Variants in TM2D1 observed in about 807,000 individuals in gnomAD.
TM2D1 encodes TM2 domain-containing protein 1.
In TM2D1, 15 loss-of-function variants were observed where a neutral mutation model predicts 28.4. The ratio of observed to expected loss-of-function variants is 0.53; its 90% CI spans 0.35 to 0.81. The LOEUF (loss-of-function observed/expected upper bound fraction) is 0.81, where lower values mean the gene tolerates loss of function less well. Among genes scored for constraint, TM2D1 ranks in the 40% least tolerant of loss-of-function variants. The pLI is 0.01. For missense variants in TM2D1, 236 were observed against 254.9 expected (o/e 0.93, Z 0.50); for synonymous variants, 93 against 96.2 (o/e 0.97, Z 0.20).
chr1:61,687,967 T>A (rs1201388852), intron 5 of TM2D1, among the ~76,000 whole-genome samples: 1 of 152,234 alleles, frequency 6.6e-6, no homozygotes, highest in African/African-American at 2.4e-5. Flanking sequence ...TTCACTTCTG[T>A]GTGTGACTAA....
chr1:61,682,846 T>C (rs909012081), intron 6 of TM2D1, among the ~76,000 whole-genome samples: 1 of 150,008 alleles, frequency 6.7e-6, no homozygotes. Flanking sequence ...TGAGCCAAGA[T>C]TGAGCCACTG....
chr1:61,723,963 G>A (rs1377231155), intron 1 of TM2D1, among the ~76,000 whole-genome samples, 177 bp from the exon 2 acceptor site: 1 of 152,130 alleles, frequency 6.6e-6, no homozygotes. Context: ...TAATACTTGA[G>A]GCAGGAGGAT....
intron 5 of TM2D1, chr1:61,686,824 G>C (rs1042627912): frequency 6.0e-5 from 58 of 974,700 alleles, no homozygotes; most frequent in Non-Finnish European, 6.9e-5. Flanking sequence ...ATGGGAGGCT[G>C]AGGCAGGAAG....
At chr1:61,713,488 C>CAAAAAAAAAA (rs369601221) in intron 2 of TM2D1, among the ~76,000 whole-genome samples, 17 of 91,364 alleles carry the variant, frequency 1.9e-4, no homozygotes, top group African/African-American at 3.4e-4. Flanking sequence ...AACTCAAAAA[C>CAAAAAAAAAA]AAAAAAAAAA....
intron 5 of TM2D1, among the ~76,000 whole-genome samples, chr1:61,688,938 G>A (rs1644304717): frequency 6.6e-6 from 1 of 151,594 alleles, no homozygotes; most frequent in South Asian, 2.1e-4. Flanking sequence ...TCAGGAGGCT[G>A]AGGCAGGAGA....
intron 1 of TM2D1, 118 bp downstream of exon 1, chr1:61,724,839 C>T (rs1348260122): frequency 8.6e-7 from 1 of 1,156,772 alleles, no homozygotes; most frequent in Admixed American, 3.0e-5. Context: ...CATTAGAAGC[C>T]ACAGATCAGA....
chr1:61,687,860 T>G (rs1395349355), intron 5 of TM2D1, among the ~76,000 whole-genome samples: 1 of 152,230 alleles, frequency 6.6e-6, no homozygotes, highest in African/African-American at 2.4e-5. Context: ...AGGATTCAGC[T>G]GTCTGCAAGT....
chr1:61,703,918 G>A (rs1010186815), intron 3 of TM2D1, among the ~76,000 whole-genome samples: 8 of 150,826 alleles, frequency 5.3e-5, no homozygotes, highest in Admixed American at 1.3e-4. Context: ...CACCACACCC[G>A]GCTAATTTTT....
At chr1:61,705,769 C>T (rs1315393490) in intron 3 of TM2D1, among the ~76,000 whole-genome samples, 1 of 152,140 alleles carries the variant, frequency 6.6e-6, no homozygotes, top group Non-Finnish European at 1.5e-5. Context: ...ACCACCACCA[C>T]CCAGACCTCC....
intron 2 of TM2D1, among the ~76,000 whole-genome samples, chr1:61,717,752 T>C (rs1456258578): frequency 6.6e-6 from 1 of 151,846 alleles, no homozygotes; most frequent in African/African-American, 2.4e-5. Context: ...TAGAAACCAG[T>C]GATGTTTTTC....
chr1:61,725,076 C>T lies in TM2D1; in HGVS notation c.45G>A (p.Val15=), dbSNP rs754741367. ...WPSGPSAPEA[V]TARLVGVLWF... is the part of the protein sequence containing the mutation. ...ACAGGACACCAACGAGTCTGGCCGTCACGGCCTCCGGAGCAGACGGACCAG... is the reference window on the plus strand; with the variant it reads ...ACAGGACACCAACGAGTCTGGCCGTTACGGCCTCCGGAGCAGACGGACCAG... Residue 15 remains valine (V), a synonymous_variant, in exon 1 of 7, where the codon GTG becomes GTA. Coordinates refer to ENST00000606498, the MANE Select transcript of TM2D1 (RefSeq NM_032027.3). The T allele has an allele frequency of 1.9e-6, 3 of 1,613,900 alleles. No homozygotes were observed. The highest frequency in any genetic ancestry group is 2.5e-6 in the Non-Finnish European group (3 of 1,179,910).
At chr1:61,700,040 A>C (rs2148047411) in intron 4 of TM2D1, 1 of 1,231,532 alleles carries the variant, frequency 8.1e-7, no homozygotes, top group Non-Finnish European at 1.0e-6. Context: ...AAATTTGCTC[A>C]GTGAAGGGCT....
In TM2D1 at chr1:61,725,064, G is replaced by A. The variant is rs1457923214; in HGVS notation, c.57C>T (p.Leu19=). ...PSAPEAVTAR[L]VGVLWFVSVT... ...CTGAGACGAACCACAGGACACCAAC[G>A]AGTCTGGCCGTCACGGCCTCCGGAG... Residue 19 remains leucine (L), a synonymous_variant, in exon 1 of 7, where the codon CTC becomes CTT. Coordinates refer to ENST00000606498, the MANE Select transcript of TM2D1 (RefSeq NM_032027.3). The A allele has an allele frequency of 5.0e-6, 8 of 1,613,794 alleles. No homozygotes were observed. The highest frequency in any genetic ancestry group is 5.9e-6 in the Non-Finnish European group (7 of 1,179,910).
chr1:61,719,419 G>GAA (rs943721193), intron 2 of TM2D1, among the ~76,000 whole-genome samples: 1 of 152,112 alleles, frequency 6.6e-6, no homozygotes, highest in Admixed American at 6.6e-5. Context: ...CAGAGAGAGA[G>GAA]AGAGAGAGAG....
At chr1:61,686,530 G>A (rs1464423086) in intron 5 of TM2D1, among the ~76,000 whole-genome samples, 1 of 152,036 alleles carries the variant, frequency 6.6e-6, no homozygotes, top group Non-Finnish European at 1.5e-5. Flanking sequence ...AGGCACGGTG[G>A]TGCACACCTG....
intron 5 of TM2D1, among the ~76,000 whole-genome samples, chr1:61,690,456 C>CAAAAAAAAAAAAAAAAAAAAAAAAAACA (rs762550068): frequency 1.7e-5 from 1 of 60,048 alleles, no homozygotes; most frequent in Non-Finnish European, 2.9e-5. Context: ...GACTCAGTCT[C>CAAAAAAAAAAAAAAAAAAAAAAAAAACA]AAAAAAAAAA....
At chr1:61,692,827 C>T (rs1644338792) in intron 5 of TM2D1, among the ~76,000 whole-genome samples, 1 of 152,200 alleles carries the variant, frequency 6.6e-6, no homozygotes, top group South Asian at 2.1e-4. Flanking sequence ...GCAGTCTAAA[C>T]TGATCATATC....
At chr1:61,702,969 G>T (rs1644413170) in intron 3 of TM2D1, among the ~76,000 whole-genome samples, 1 of 151,314 alleles carries the variant, frequency 6.6e-6, no homozygotes, top group Non-Finnish European at 1.5e-5. Context: ...AGCCGGGCGT[G>T]GTGGTATATG....
intron 2 of TM2D1, among the ~76,000 whole-genome samples, chr1:61,721,541 C>CAAAAAAAAAAAAA (rs34211826): frequency 9.0e-6 from 1 of 111,306 alleles, no homozygotes; most frequent in Non-Finnish European, 1.9e-5. Context: ...GACTCTGTCT[C>CAAAAAAAAAAAAA]AAAAAAAAAA....
Sources: gnomAD v4.1 joint callset for allele counts (sites outside exome capture counted in the v4.1 genomes callset) on GRCh38, gnomAD v4.1.1 for gene constraint, MANE v1.5 for transcripts, NCBI Gene and HGNC (gene_info 2026-07-23, HGNC 2026-07-21) for gene names.